Variants in NABP1 observed in about 807,000 individuals in gnomAD.
The protein encoded by NABP1 is nucleic acid binding protein 1, also known as SOSS complex subunit B2.
NABP1 carries 18 observed loss-of-function variants against 25.0 expected under a neutral mutation model. That is an observed-to-expected ratio of 0.72 (90% CI 0.50 to 1.07). The LOEUF is 1.07. Ranked by LOEUF, NABP1 falls within the 50% of genes least tolerant of loss-of-function variation. The pLI, the probability that NABP1 is intolerant of heterozygous loss-of-function variation, is 0.00. For synonymous variants in NABP1, 71 were observed against 85.0 expected (o/e 0.84, Z 0.91); for missense variants, 270 against 255.6 (o/e 1.06, Z -0.39).
chr2:191,678,403 CTTTTTTTTTTTTTT>C lies in NABP1; in HGVS notation c.-201_-188del, dbSNP rs781513296. On this transcript the variant is annotated 5_prime_UTR_variant, in exon 1 of 6. Transcript: ENST00000425611. ...CTTTTTTTCTTTAGAACTTGTGAGCCTTTTTTTTTTTTTTTTTTTTTTTTCTTTTTTTAGGCTCA... is the reference window on the plus strand; with the variant it reads ...CTTTTTTTCTTTAGAACTTGTGAGCCTTTTTTTTTTCTTTTTTTAGGCTCA... 4.1e-6 allele frequency: 1 copy of C among 241,668 alleles called. No homozygotes were observed. The allele number at this position is 241,668 out of a possible 1,614,324, so 15.0% of individuals were successfully genotyped here.
At chr2:191,684,983 C>T (rs1687779358) in intron 5 of NABP1, 1 of 152,438 alleles carries the variant, frequency 6.6e-6, no homozygotes, top group Non-Finnish European at 1.5e-5. Flanking sequence ...TCCCAAGTAG[C>T]TGGGATTACA....
rs1190077988 is a variant in NABP1, at chr2:191,683,772, A to T, written c.346A>T (p.Asn116Tyr). The change falls in exon 4 of 6, where the codon AAC becomes TAC. Residue 116 changes from asparagine (N) to tyrosine (Y), a missense_variant. Asn to Tyr is a moderately radical substitution (Grantham distance 143). Transcript: ENST00000425611. The surrounding 1 kb of genome is among the most constrained non-coding windows in gnomAD (Gnocchi z 4.1). Reference protein sequence around the residue: ...YSEVPNFSEPNPDYRGQQNKG... With the variant: ...YSEVPNFSEPYPDYRGQQNKG... ...AGAAGTGCCAAATTTCAGTGAACCC[A>T]ACCCAGATTATCGAGGACAGCAGAA... 6.2e-7 allele frequency: 1 copy of T among 1,610,170 alleles called. No individual in the cohort carries two copies. Among genetic ancestry groups the T allele is most frequent in the Non-Finnish European group, 8.5e-7 (1 of 1,179,092 alleles).
chr2:191,684,218 A>T lies in NABP1; in HGVS notation c.379-12A>T. 7 of 1,526,370 alleles carry T rather than the reference A, an allele frequency of 4.6e-6. No homozygotes were observed. The highest frequency in any genetic ancestry group is 6.2e-6 in the Non-Finnish European group (7 of 1,133,826). 94.6% of individuals were successfully genotyped at this position (1,526,370 alleles called of 1,614,324 possible). A position where few individuals can be genotyped will look rare whatever the true frequency, so the allele number is the denominator to read the frequency against. On this transcript the variant is annotated splice_polypyrimidine_tract_variant and intron_variant, in intron 4 of 5. Transcript: ENST00000425611. ...TTATTCTCGTTTGGTTAAATTAAAA[A>T]CTTTTTTTTAGGCACAGAGTGAACA... is the stretch of plus-strand genomic sequence containing the variant.
chr2:191,683,541 C>T lies in NABP1; in HGVS notation c.303-188C>T. On this transcript the variant is annotated intron_variant, in intron 3 of 5. Coordinates refer to ENST00000425611, the MANE Select transcript of NABP1 (RefSeq NM_001031716.5). The surrounding 1 kb of genome is among the most constrained non-coding windows in gnomAD (Gnocchi z 4.1). ...AATAGAATGTTATATATCTTGTAGA[C>T]AGTCAAATATTTGATGTTTTATGGG... 1 of 553,282 alleles carries T rather than the reference C, an allele frequency of 1.8e-6. No homozygotes were observed. The highest frequency in any genetic ancestry group is 3.2e-6 in the Non-Finnish European group (1 of 316,578). The allele number at this position is 553,282 out of a possible 1,614,324, so 34.3% of individuals were successfully genotyped here.
chr2:191,678,570 C>T lies in NABP1; in HGVS notation c.-45C>T, dbSNP rs1329597578. Reference sequence around the variant, plus strand: ...GGAGGGTGGGAAGCTTTGACCCCGCCCTGCCCACTCGCGTCTCCGCAGCCG... The same window carrying T: ...GGAGGGTGGGAAGCTTTGACCCCGCTCTGCCCACTCGCGTCTCCGCAGCCG... On this transcript the variant is annotated 5_prime_UTR_variant, in exon 1 of 6. Coordinates refer to ENST00000425611, the MANE Select transcript of NABP1 (RefSeq NM_001031716.5). The T allele has an allele frequency of 1.4e-6, 2 of 1,452,844 alleles. No homozygotes were observed. Among genetic ancestry groups the T allele is most frequent in the Non-Finnish European group, 9.6e-7 (1 of 1,043,584 alleles). 90.0% of individuals were successfully genotyped at this position (1,452,844 alleles called of 1,614,324 possible).
chr2:191,685,663 T>C lies in NABP1; in HGVS notation c.510T>C (p.Asn170=). ...EHQFSHAGRS[N]GRGLINPQLQ... ...AGTTTTCACATGCTGGCAGAAGCAA[T>C]GGCCGGGGACTTATAAATCCACAAC... Residue 170 remains asparagine (N), a synonymous_variant, in exon 6 of 6, where the codon AAT becomes AAC. Transcript: ENST00000425611. 6.2e-7 allele frequency: 1 copy of C among 1,614,008 alleles called. No individual in the cohort carries two copies. The highest frequency in any genetic ancestry group is 8.5e-7 in the Non-Finnish European group (1 of 1,179,948).
chr2:191,679,188 C>T, intron 2 of NABP1, 60 bp downstream of exon 2: 1 of 1,606,082 alleles, frequency 6.2e-7, no homozygotes, highest in East Asian at 2.2e-5. Context: ...TGGCCGGCTC[C>T]TGGGATCTTG....
intron 5 of NABP1, 126 bp from the exon 6 acceptor site, chr2:191,685,473 T>TC (rs754087092): frequency 5.7e-6 from 5 of 872,644 alleles, no homozygotes; most frequent in Non-Finnish European, 8.6e-6. Context: ...GTTTTTTTTT[T>TC]CTGTATAAAA....
chr2:191,678,784 C>A (rs1687579103), intron 1 of NABP1, 79 bp downstream of exon 1: 1 of 1,378,098 alleles, frequency 7.3e-7, no homozygotes, highest in Non-Finnish European at 1.0e-6. Context: ...CGCTGCGCGC[C>A]CGGGGCTCCC....
intron 5 of NABP1, chr2:191,685,201 CT>C (rs1687784889): frequency 6.1e-6 from 1 of 164,550 alleles, no homozygotes; most frequent in South Asian, 1.6e-4. Flanking sequence ...CTTGGCATTG[CT>C]GATCACATTG....
Position 191,686,011 on chromosome 2 carries a change from A to G in NABP1, c.*243A>G. ...ATTTTTAGAGTAAAAAGATTATTGG[A>G]TAGCCTTTAAAAAACCTGCACCCAT... On this transcript the variant is annotated 3_prime_UTR_variant, in exon 6 of 6. Coordinates refer to ENST00000425611, the MANE Select transcript of NABP1 (RefSeq NM_001031716.5). 2.6e-6 allele frequency: 1 copy of G among 382,874 alleles called. No individual in the cohort carries two copies. The highest frequency in any genetic ancestry group is 4.7e-6 in the Non-Finnish European group (1 of 212,714). 23.7% of individuals were successfully genotyped at this position (382,874 alleles called of 1,614,324 possible).
In NABP1 at chr2:191,678,425, T is replaced by G; in HGVS notation, c.-190T>G. 3.7e-6 allele frequency: 1 copy of G among 271,656 alleles called. No homozygotes were observed. The highest frequency in any genetic ancestry group is 6.9e-6 in the Non-Finnish European group (1 of 145,690). The allele number at this position is 271,656 out of a possible 1,614,324, so 16.8% of individuals were successfully genotyped here. The stretch of plus-strand genomic sequence containing the variant: ...AGCCTTTTTTTTTTTTTTTTTTTTT[T>G]TTCTTTTTTTAGGCTCAGTGCTGTC... On this transcript the variant is annotated 5_prime_UTR_variant, in exon 1 of 6. Coordinates refer to ENST00000425611, the MANE Select transcript of NABP1 (RefSeq NM_001031716.5).
chr2:191,678,435 T>TTTGGGG lies in NABP1; in HGVS notation c.-180_-179insTTGGGG. 2.8e-6 allele frequency: 1 copy of TTTGGGG among 351,640 alleles called. No homozygotes were observed. Among genetic ancestry groups the TTTGGGG allele is most frequent in the Non-Finnish European group, 5.0e-6 (1 of 199,094 alleles). 21.8% of individuals were successfully genotyped at this position (351,640 alleles called of 1,614,324 possible). A position where few individuals can be genotyped will look rare whatever the true frequency, so the allele number is the denominator to read the frequency against. On this transcript the variant is annotated 5_prime_UTR_variant, in exon 1 of 6. Coordinates refer to ENST00000425611, the MANE Select transcript of NABP1 (RefSeq NM_001031716.5). The stretch of plus-strand genomic sequence containing the variant: ...TTTTTTTTTTTTTTTTTTCTTTTTT[T>TTTGGGG]AGGCTCAGTGCTGTCCGGGCTGGTT...
At position 191,685,791 on chromosome 2, in the gene NABP1, A is replaced by G. The variant is rs777535472; in HGVS notation, c.*23A>G. 3.1e-6 allele frequency: 5 copies of G among 1,609,908 alleles called. No homozygotes were observed. Among genetic ancestry groups the G allele is most frequent in the Non-Finnish European group, 2.5e-6 (3 of 1,176,902 alleles). On this transcript the variant is annotated 3_prime_UTR_variant, in exon 6 of 6. Transcript: ENST00000425611. ...TGACCTATGCTAAATACTCATGTGT[A>G]GTTTTTATACTACATGCCCTACTTG...
chr2:191,682,508 G>C (rs1574137516), intron 3 of NABP1: 1 of 471,046 alleles, frequency 2.1e-6, no homozygotes, highest in Non-Finnish European at 4.4e-6. Flanking sequence ...TGCGGTGCAG[G>C]CAGCCGCAAT....
chr2:191,682,592 T>G (rs1473359746), intron 3 of NABP1: 2 of 470,652 alleles, frequency 4.2e-6, no homozygotes, highest in East Asian at 6.9e-5. Flanking sequence ...TCTAGGGGTG[T>G]AAGGTAATTC....
Position 191,685,726 on chromosome 2 carries a change from A to G in NABP1, c.573A>G (p.Thr191=). 1 of 1,614,168 alleles carries G rather than the reference A, an allele frequency of 6.2e-7. No individual in the cohort carries two copies. Among genetic ancestry groups the G allele is most frequent in the Non-Finnish European group, 8.5e-7 (1 of 1,180,006 alleles). The change falls in exon 6 of 6, where the codon ACA becomes ACG. Residue 191 remains threonine, a synonymous_variant. Transcript: ENST00000425611. ...GTASNQTVMT[T]ISNGRDPRRA... ...CTAGTAATCAAACAGTGATGACCAC[A>G]ATAAGTAATGGCAGGGACCCTCGGA...
At chr2:191,680,165 A>C (rs1309220396) in intron 2 of NABP1, among the ~76,000 whole-genome samples, 1 of 152,192 alleles carries the variant, frequency 6.6e-6, no homozygotes, top group Non-Finnish European at 1.5e-5. Flanking sequence ...TTTTTATCTT[A>C]GGAAGATAAA....
chr2:191,679,057 C>T lies in NABP1; in HGVS notation c.159C>T (p.Ser53=). 1 of 1,614,234 alleles carries T rather than the reference C, an allele frequency of 6.2e-7. No homozygotes were observed. ...RSCKVADKTG[S]ITISVWDEIG... ...GCAAAGTAGCAGATAAAACGGGCAGCATCACTATTTCCGTGTGGGATGAGA... is the reference window on the plus strand; with the variant it reads ...GCAAAGTAGCAGATAAAACGGGCAGTATCACTATTTCCGTGTGGGATGAGA... Residue 53 remains serine (S), a synonymous_variant, in exon 2 of 6, where the codon AGC becomes AGT. Transcript: ENST00000425611.
Sources: allele counts gnomAD v4.1 joint callset (sites outside exome capture counted in the v4.1 genomes callset), GRCh38; gene constraint gnomAD v4.1.1; non-coding constraint Gnocchi (gnomAD v3.1); transcripts MANE v1.5; gene names NCBI Gene and HGNC (gene_info 2026-07-23, HGNC 2026-07-21).